Variants in INCENP observed in about 807,000 individuals in gnomAD.
INCENP encodes inner centromere protein.
In INCENP, 43 loss-of-function variants were observed where a neutral mutation model predicts 107.3. The ratio of observed to expected loss-of-function variants is 0.40; its 90% CI spans 0.31 to 0.52. The LOEUF (loss-of-function observed/expected upper bound fraction) is 0.52, where lower values mean the gene tolerates loss of function less well. INCENP is among the 20% of genes least tolerant of loss of function. The pLI, the probability that INCENP is intolerant of heterozygous loss-of-function variation, is 0.53. For synonymous variants in INCENP, 488 were observed against 494.4 expected, an observed-to-expected ratio of 0.99 and a Z score of 0.17; for missense variants, 1,089 against 1,250.9, an observed-to-expected ratio of 0.87 and a Z score of 1.95.
At position 62,152,683 on chromosome 11, in the gene INCENP, T is replaced by C. The variant is rs1038251006; in HGVS notation, c.*707T>C. ...CTCTCCATTCCCCAGGCTCCACCCG[T>C]GCTGCTCAGGTGCAAATGGACTTGA... On this transcript the variant is annotated 3_prime_UTR_variant, in exon 19 of 19. Coordinates refer to ENST00000394818, the MANE Select transcript of INCENP (RefSeq NM_001040694.2). 15 of 152,462 alleles carry C rather than the reference T, an allele frequency of 9.8e-5. No homozygotes were observed. The highest frequency in any genetic ancestry group is 3.6e-4 in the African/African-American group (15 of 41,466). 9.4% of individuals were successfully genotyped at this position (152,462 alleles called of 1,614,324 possible). A position where few individuals can be genotyped will look rare whatever the true frequency, so the allele number is the denominator to read the frequency against.
rs1176134926 is a variant in INCENP at position 62,129,925 on chromosome 11, C to T, written c.398C>T (p.Ala133Val). ...RVTRAAAAAA[A>V]ATMALAAPSS... Reference sequence around the variant, plus strand: ...ACCCGTGCTGCGGCTGCAGCTGCCGCGGCTACCATGGCATTGGCTGCACCT... The same window carrying T: ...ACCCGTGCTGCGGCTGCAGCTGCCGTGGCTACCATGGCATTGGCTGCACCT... Residue 133 changes from alanine (A) to valine (V), a missense_variant, in exon 4 of 19, where the codon GCG becomes GTG. Physicochemically the swap from Ala to Val is moderately conservative, Grantham distance 64. Coordinates refer to ENST00000394818, the MANE Select transcript of INCENP (RefSeq NM_001040694.2). 6.8e-6 allele frequency: 11 copies of T among 1,613,920 alleles called. No homozygotes were observed. Among genetic ancestry groups the T allele is most frequent in the Non-Finnish European group, 9.3e-6 (11 of 1,180,034 alleles).
Position 62,148,794 on chromosome 11 carries a change from C to T in INCENP, c.2339C>T (p.Ala780Val). The change falls in exon 17 of 19, where the codon GCC becomes GTC. Residue 780 changes from alanine to valine, a missense_variant. Transcript: ENST00000394818. ...CTGCAGGAGGAGCAAGAGAAGAAAG[C>T]CAAGGAGGCAGCAGGGGCCAGCAAG... ...RQLQEEQEKK[A>V]KEAAGASKAL... 6.2e-7 allele frequency: 1 copy of T among 1,606,192 alleles called. No individual in the cohort carries two copies. Among genetic ancestry groups the T allele is most frequent in the South Asian group, 1.1e-5 (1 of 89,806 alleles).
chr11:62,145,173 C>A lies in INCENP; in HGVS notation c.1720C>A (p.Arg574Ser). Residue 574 changes from arginine to serine, a missense_variant, in exon 13 of 19, where the codon CGT (arginine) becomes AGT (serine). Physicochemically the swap from Arg to Ser is moderately radical, Grantham distance 110 (BLOSUM62 -1). Transcript: ENST00000394818. ...RRRLEEVKLK[R>S]EERLRKVLQA... Reference sequence around the variant, plus strand: ...TGACTATCCTATGCCCCGCAGGAAGCGTGAGGAACGCCTCCGCAAGGTGCT... The same window carrying A: ...TGACTATCCTATGCCCCGCAGGAAGAGTGAGGAACGCCTCCGCAAGGTGCT... 1 of 1,614,122 alleles carries A rather than the reference C, an allele frequency of 6.2e-7. No individual in the cohort carries two copies. Among genetic ancestry groups the A allele is most frequent in the Non-Finnish European group, 8.5e-7 (1 of 1,180,038 alleles).
rs781470064 is a variant in INCENP, at chr11:62,151,768, C to A, written c.2549C>A (p.Pro850Gln). Residue 850 changes from proline (P) to glutamine (Q), a missense_variant, in exon 19 of 19, where the codon CCG becomes CAG. Physicochemically the swap from Pro to Gln is moderately conservative, Grantham distance 76 (BLOSUM62 -1). Transcript: ENST00000394818. ...KPIPTWARGTPLSQAIIHQYY... is the reference protein window; with the variant it reads ...KPIPTWARGTQLSQAIIHQYY... Reference sequence around the variant, plus strand: ...GGTCTGTGGTCTCCTGCAGGCACCCCGCTCAGCCAGGCTATCATTCACCAG... The same window carrying A: ...GGTCTGTGGTCTCCTGCAGGCACCCAGCTCAGCCAGGCTATCATTCACCAG... The A allele has an allele frequency of 9.9e-6, 16 of 1,613,978 alleles. No homozygotes were observed. The highest frequency in any genetic ancestry group is 1.4e-5 in the Non-Finnish European group (16 of 1,179,972).
At chr11:62,135,391 C>T (rs945134292) in intron 4 of INCENP, among the ~76,000 whole-genome samples, 24 of 152,128 alleles carry the variant, frequency 1.6e-4, no homozygotes, top group Admixed American at 3.9e-4. Context: ...CTCAGCCTCC[C>T]GAGTAGCTGG....
Position 62,128,507 on chromosome 11 carries a change from C to T in INCENP, c.140+206C>T, listed in dbSNP as rs561691400. 2.0e-5 allele frequency among the ~76,000 whole-genome samples: 3 copies of T among 152,366 alleles called. No homozygotes were observed. In the South Asian group the frequency reaches 6.2e-4, roughly 32 times the overall value. On this transcript the variant is annotated intron_variant, in intron 2 of 18. Coordinates refer to ENST00000394818, the MANE Select transcript of INCENP (RefSeq NM_001040694.2). ...CAGCAGGAGAGATCCAGTCCCTTGC[C>T]TATTCGCCATCGTTGCTGGCTGGGC... is the stretch of plus-strand genomic sequence containing the variant.
At chr11:62,132,756 A>G (rs1181849527) in intron 4 of INCENP, among the ~76,000 whole-genome samples, 1 of 151,944 alleles carries the variant, frequency 6.6e-6, no homozygotes, top group Non-Finnish European at 1.5e-5. Flanking sequence ...TGACTGGTGC[A>G]TGTTACCTGG....
chr11:62,126,913 C>CA (rs1215658860), intron 1 of INCENP, among the ~76,000 whole-genome samples: 13 of 152,172 alleles, frequency 8.5e-5, no homozygotes, highest in Non-Finnish European at 1.9e-4. Context: ...AGTACAGATG[C>CA]AGCTCTTTTT....
intron 4 of INCENP, among the ~76,000 whole-genome samples, chr11:62,134,265 T>G (rs1943945875): frequency 6.6e-6 from 1 of 152,102 alleles, no homozygotes; most frequent in Admixed American, 6.6e-5. Flanking sequence ...TGGAAAAAAT[T>G]AGCCAGGTAT....
At chr11:62,145,822 C>T in intron 14 of INCENP, 71 bp downstream of exon 14, 2 of 1,487,238 alleles carry the variant, frequency 1.3e-6, no homozygotes, top group Non-Finnish European at 1.8e-6. Context: ...TGGGGCCCTA[C>T]TGGGTGCACC....
intron 11 of INCENP, among the ~76,000 whole-genome samples, chr11:62,142,810 T>C (rs1792928): frequency 0.022 from 3,311 of 152,244 alleles, 125 homozygotes; most frequent in African/African-American, 0.075. Flanking sequence ...GTCTGTTAGT[T>C]TAGTTCTCAG....
Position 62,146,809 on chromosome 11 carries a change from A to T in INCENP, c.2111A>T (p.Glu704Val). The T allele has an allele frequency of 6.5e-7, 1 of 1,536,658 alleles. No homozygotes were observed. Among genetic ancestry groups the T allele is most frequent in the Non-Finnish European group, 8.8e-7 (1 of 1,137,612 alleles). The change falls in exon 15 of 19, where the codon GAG (glutamate) becomes GTG (valine). Residue 704 changes from glutamate to valine, a missense_variant. Transcript: ENST00000394818. ...EQERREQERR[E>V]QERREQERRE... ...GAGCGGCGCGAGCAGGAGCGGCGCG[A>T]GCAGGAGCGGCGGGAGCAGGAGCGG...
Position 62,138,957 on chromosome 11 carries a change from C to G in INCENP, c.1243C>G (p.Pro415Ala). 6.2e-7 allele frequency: 1 copy of G among 1,614,154 alleles called. No individual in the cohort carries two copies. The highest frequency in any genetic ancestry group is 8.5e-7 in the Non-Finnish European group (1 of 1,179,998). ...DTEIANSTPNPKPAASSPETP... is the reference protein window; with the variant it reads ...DTEIANSTPNAKPAASSPETP... ...GGAGATTGCCAACAGCACACCCAAC[C>G]CGAAGCCTGCAGCCAGCAGCCCGGA... The change falls in exon 7 of 19, where the codon CCG becomes GCG. Residue 415 changes from proline to alanine, a missense_variant. Transcript: ENST00000394818.
At chr11:62,135,959 A>G (rs971653124) in intron 4 of INCENP, among the ~76,000 whole-genome samples, 21 of 152,036 alleles carry the variant, frequency 1.4e-4, no homozygotes, top group African/African-American at 5.1e-4. Flanking sequence ...ACAGGCGCCC[A>G]CCACTACGCC....
Position 62,129,959 on chromosome 11 carries a change from C to G in INCENP, c.432C>G (p.Pro144=). The G allele has an allele frequency of 6.2e-7, 1 of 1,614,124 alleles. No individual in the cohort carries two copies. The highest frequency in any genetic ancestry group is 8.5e-7 in the Non-Finnish European group (1 of 1,180,024). ...ATMALAAPSS[P]TPESPTMLTK... is the part of the protein sequence containing the mutation. ...TGGCATTGGCTGCACCTTCTTCACCCACCCCTGAGTCTCCCACGATGCTGA... is the reference window on the plus strand; with the variant it reads ...TGGCATTGGCTGCACCTTCTTCACCGACCCCTGAGTCTCCCACGATGCTGA... The change falls in exon 4 of 19, where the codon CCC becomes CCG. Residue 144 remains proline, a synonymous_variant. Transcript: ENST00000394818.
chr11:62,149,198 A>T (rs1460819693), intron 17 of INCENP, among the ~76,000 whole-genome samples: 1 of 152,068 alleles, frequency 6.6e-6, no homozygotes, highest in South Asian at 2.1e-4. Context: ...ACCCATACAC[A>T]TACATATTTA....
chr11:62,144,951 G>A (rs767349390), intron 11 of INCENP, 31 bp from the exon 12 acceptor site: 1 of 1,572,458 alleles, frequency 6.4e-7, no homozygotes, highest in Non-Finnish European at 8.6e-7. Context: ...CCTTGCTCAT[G>A]TCCCATCTCC....
intron 1 of INCENP, among the ~76,000 whole-genome samples, chr11:62,126,555 T>G (rs554931006): frequency 1.3e-5 from 2 of 152,308 alleles, no homozygotes; most frequent in South Asian, 4.1e-4. Context: ...ACTTGAGGCA[T>G]GCAGTTTGTT....
rs754166671 is a variant in INCENP at position 62,130,536 on chromosome 11, A to G, written c.1009A>G (p.Arg337Gly). The change falls in exon 4 of 19, where the codon AGA (arginine) becomes GGA (glycine). Residue 337 changes from arginine to glycine, a missense_variant. By Grantham distance (125) the Arg-to-Gly change is moderately radical (BLOSUM62 -2). Transcript: ENST00000394818. ...KQESVVRRAS[R>G]RLAKKTAEEP... is the part of the protein sequence containing the mutation. ...GGAAAGTGTTGTCCGCAGGGCGAGC[A>G]GAAGGCTTGCCAAGAAGACTGCCGA... 2.5e-6 allele frequency: 4 copies of G among 1,613,940 alleles called. No individual in the cohort carries two copies. The Admixed American group carries it at 5.0e-5, about 20-fold the overall frequency.
Sources: gnomAD v4.1 joint callset for allele counts (sites outside exome capture counted in the v4.1 genomes callset) on GRCh38, gnomAD v4.1.1 for gene constraint, MANE v1.5 for transcripts, NCBI Gene and HGNC (gene_info 2026-07-23, HGNC 2026-07-21) for gene names.